DIAPH3: variants seen among roughly 807,000 people sequenced by gnomAD.
The protein encoded by DIAPH3 is diaphanous related formin 3, also known as protein diaphanous homolog 3.
In DIAPH3, 117 loss-of-function variants were observed where a neutral mutation model predicts 144.3. The observed-to-expected ratio is 0.81, with a 90% CI of 0.70 to 0.95. DIAPH3 has a LOEUF of 0.95. Ranked by LOEUF, DIAPH3 falls within the 40% of genes least tolerant of loss-of-function variation. DIAPH3 has a pLI of 0.00. For synonymous variants in DIAPH3, 519 were observed against 488.9 expected (o/e 1.06, Z -0.81); for missense variants, 1,421 against 1,412.7 (o/e 1.01, Z -0.09).
chr13:60,015,242 C>T lies in DIAPH3; in HGVS notation c.771+671G>A, dbSNP rs1322058452. Among the ~76,000 whole-genome samples, 4 of 152,200 alleles carry T rather than the reference C, an allele frequency of 2.6e-5. No homozygotes were observed. In the East Asian group the frequency reaches 7.8e-4, roughly 30 times the overall value. On this transcript the variant is annotated intron_variant, in intron 7 of 27. Coordinates refer to ENST00000400324, the MANE Select transcript of DIAPH3 (RefSeq NM_001042517.2). The stretch of plus-strand genomic sequence containing the variant: ...AACTCCTAGCCTCAAGCAATCCCTC[C>T]TGCCTCGGCATCCCAAAGCGGTAAG...
intron 5 of DIAPH3, among the ~76,000 whole-genome samples, chr13:60,033,621 A>G (rs1425277083): frequency 6.6e-6 from 1 of 152,144 alleles, no homozygotes; most frequent in East Asian, 1.9e-4. Flanking sequence ...TTCACTCACT[A>G]TTGCAAAGAC....
chr13:60,076,964 CT>C (rs1455160194), intron 4 of DIAPH3, among the ~76,000 whole-genome samples: 1 of 151,910 alleles, frequency 6.6e-6, no homozygotes, highest in South Asian at 2.1e-4. Context: ...AATCATACAC[CT>C]TTTTCACATA....
intron 24 of DIAPH3, among the ~76,000 whole-genome samples, chr13:59,820,511 T>C (rs1341978571): frequency 6.6e-6 from 1 of 151,928 alleles, no homozygotes; most frequent in African/African-American, 2.4e-5. Context: ...AGTACTACTT[T>C]CACTTGAAAT....
chr13:60,013,267 G>C (rs2053403935), intron 7 of DIAPH3: 1 of 961,138 alleles, frequency 1.0e-6, no homozygotes, highest in Non-Finnish European at 1.2e-6. Context: ...AGGCACTGAA[G>C]ATGATGTTTT....
intron 17 of DIAPH3, among the ~76,000 whole-genome samples, chr13:59,948,294 C>T (rs979504182): frequency 1.3e-5 from 2 of 152,326 alleles, no homozygotes; most frequent in South Asian, 2.1e-4. Flanking sequence ...TTCTTTGACT[C>T]TGTAGAATTA....
intron 27 of DIAPH3, among the ~76,000 whole-genome samples, chr13:59,708,062 T>C (rs999793871): frequency 5.3e-5 from 8 of 151,960 alleles, no homozygotes; most frequent in African/African-American, 1.9e-4. Flanking sequence ...TTCCTTCCTT[T>C]CATTTTATTA....
chr13:59,806,751 A>G (rs1393201532), intron 25 of DIAPH3, among the ~76,000 whole-genome samples: 1 of 151,956 alleles, frequency 6.6e-6, no homozygotes, highest in Non-Finnish European at 1.5e-5. Flanking sequence ...AAGAACAATA[A>G]AAAGTGGCCT....
At chr13:60,073,460 A>AT (rs2057281990) in intron 4 of DIAPH3, among the ~76,000 whole-genome samples, 1 of 152,200 alleles carries the variant, frequency 6.6e-6, no homozygotes, top group Non-Finnish European at 1.5e-5. Context: ...TAGTCCTCTA[A>AT]TTTTTTAGAT....
rs1397279181 is a variant in DIAPH3 at position 60,042,834 on chromosome 13, C to T, written c.496-14G>A. 6.2e-7 allele frequency: 1 copy of T among 1,612,046 alleles called. No homozygotes were observed. On this transcript the variant is annotated splice_polypyrimidine_tract_variant and intron_variant, in intron 4 of 27. Transcript: ENST00000400324. ...CTTAAGACTTCCCTATAAAATAAGT[C>T]AAAAAATGTTTTGATTAATACTGCA...
intron 27 of DIAPH3, among the ~76,000 whole-genome samples, chr13:59,762,127 C>T (rs1827530623): frequency 7.5e-6 from 1 of 133,794 alleles, no homozygotes; most frequent in Admixed American, 8.5e-5. Flanking sequence ...GGCGCGATCT[C>T]AACTCACTGC....
At chr13:59,881,601 T>A (rs778464028) in intron 20 of DIAPH3, among the ~76,000 whole-genome samples, 13 of 152,332 alleles carry the variant, frequency 8.5e-5, no homozygotes, top group Non-Finnish European at 1.2e-4. Flanking sequence ...GCTAACCATA[T>A]GTAGCCAGCA....
At chr13:59,989,870 T>C (rs2051693133) in intron 12 of DIAPH3, among the ~76,000 whole-genome samples, 1 of 151,874 alleles carries the variant, frequency 6.6e-6, no homozygotes, top group African/African-American at 2.4e-5. Flanking sequence ...ACAACAGTCT[T>C]AAATTCTTGG....
chr13:59,836,378 T>C (rs1405178804), intron 23 of DIAPH3, among the ~76,000 whole-genome samples: 1 of 151,744 alleles, frequency 6.6e-6, no homozygotes, highest in Non-Finnish European at 1.5e-5. Context: ...TTGAATTTGG[T>C]TTCACATTTT....
chr13:59,879,668 A>G (rs1448259673), intron 20 of DIAPH3, among the ~76,000 whole-genome samples, 200 bp from the exon 21 acceptor site: 1 of 152,126 alleles, frequency 6.6e-6, no homozygotes, highest in East Asian at 1.9e-4. Context: ...AACCCAAATT[A>G]ACAATTTAGA....
intron 25 of DIAPH3, 30 bp from the exon 26 acceptor site, chr13:59,774,853 A>G (rs773484884): frequency 1.3e-6 from 2 of 1,577,830 alleles, no homozygotes; most frequent in Non-Finnish European, 8.7e-7. Context: ...GAATTCCATC[A>G]GCCCTCAGGG....
chr13:59,842,252 C>T (rs1321122488), intron 22 of DIAPH3, among the ~76,000 whole-genome samples: 1 of 151,850 alleles, frequency 6.6e-6, no homozygotes, highest in African/African-American at 2.4e-5. Flanking sequence ...AAAGTGGTAT[C>T]TCACCTTGAA....
intron 4 of DIAPH3, among the ~76,000 whole-genome samples, chr13:60,069,314 C>T (rs1287399925): frequency 6.6e-6 from 1 of 151,978 alleles, no homozygotes; most frequent in Non-Finnish European, 1.5e-5. Flanking sequence ...GTCCTTTGCC[C>T]ATTTTTTAAT....
chr13:59,811,614 G>A (rs1256922364), intron 24 of DIAPH3, among the ~76,000 whole-genome samples: 9 of 151,500 alleles, frequency 5.9e-5, no homozygotes, highest in African/African-American at 2.2e-4. Context: ...GCGGGTGCCT[G>A]TAATCCCAGC....
At chr13:59,814,061 A>G (rs552803964) in intron 24 of DIAPH3, among the ~76,000 whole-genome samples, 1 of 152,232 alleles carries the variant, frequency 6.6e-6, no homozygotes, top group South Asian at 2.1e-4. Flanking sequence ...TGCTTGAGAG[A>G]AATGAACAAG....
Sources: gnomAD v4.1 joint callset for allele counts (sites outside exome capture counted in the v4.1 genomes callset) on GRCh38, gnomAD v4.1.1 for gene constraint, MANE v1.5 for transcripts, NCBI Gene and HGNC (gene_info 2026-07-23, HGNC 2026-07-21) for gene names.